Variants in KRCC1 observed in about 807,000 individuals in gnomAD.
KRCC1 encodes lysine rich coiled-coil 1.
KRCC1 carries 3 observed loss-of-function variants against 7.4 expected under a neutral mutation model. The observed-to-expected ratio is 0.40, with a 90% CI of 0.18 to 1.04. KRCC1 has a LOEUF of 1.04. Among genes scored for constraint, KRCC1 ranks in the 50% least tolerant of loss-of-function variants. KRCC1 has a pLI of 0.33. For missense variants in KRCC1, 277 were observed against 300.9 expected, an observed-to-expected ratio of 0.92 and a Z score of 0.59; for synonymous variants, 102 against 101.6, an observed-to-expected ratio of 1.00 and a Z score of -0.02.
In KRCC1 at chr2:88,052,994, G is replaced by A. The variant is rs531417042; in HGVS notation, c.-291+2632C>T. ...GTGATTTTGAGGATTTTAGACTTTAGGGATTTTCATCTTTCAGGATTTCAA... is the reference window on the plus strand; with the variant it reads ...GTGATTTTGAGGATTTTAGACTTTAAGGATTTTCATCTTTCAGGATTTCAA... On this transcript the variant is annotated intron_variant, in intron 1 of 3. Transcript: ENST00000347055. Among the ~76,000 whole-genome samples the A allele has an allele frequency of 4.6e-5, 7 of 152,166 alleles. No homozygotes were observed. The East Asian group carries it at 1.2e-3, about 25-fold the overall frequency.
Position 88,027,967 on chromosome 2 carries a change from T to A in KRCC1, c.597A>T (p.Lys199Asn). The change falls in exon 4 of 4, where the codon AAA becomes AAT. Residue 199 changes from lysine to asparagine, a missense_variant. Transcript: ENST00000347055. ...LDKHKSIQRK[K>N]TEVEIETVHV... ...GTACGGTTTCTATTTCCACCTCTGT[T>A]TTCTTTCTTTGGATGCTCTTGTGTT... is the stretch of plus-strand genomic sequence containing the variant. The A allele has an allele frequency of 1.2e-6, 2 of 1,613,742 alleles. No individual in the cohort carries two copies. The highest frequency in any genetic ancestry group is 1.7e-6 in the Non-Finnish European group (2 of 1,179,958).
rs770182214 is a variant in KRCC1, at chr2:88,028,421, C to G, written c.143G>C (p.Gly48Ala). ...GDYLETCGYK[G>A]EVNSRPTYRM... ...ATACGTGGGTCTGGAATTAACCTCTCCTTTGTACCCACAGGTTTCCAAATA... is the reference window on the plus strand; with the variant it reads ...ATACGTGGGTCTGGAATTAACCTCTGCTTTGTACCCACAGGTTTCCAAATA... Residue 48 changes from glycine (G) to alanine (A), a missense_variant, in exon 4 of 4, where the codon GGA becomes GCA. Gly to Ala is a moderately conservative substitution (Grantham distance 60, BLOSUM62 0). Transcript: ENST00000347055. 3 of 1,614,140 alleles carry G rather than the reference C, an allele frequency of 1.9e-6. No individual in the cohort carries two copies. Among genetic ancestry groups the G allele is most frequent in the Non-Finnish European group, 2.5e-6 (3 of 1,180,028 alleles).
chr2:88,037,576 T>C (rs1673117231), intron 1 of KRCC1, among the ~76,000 whole-genome samples: 1 of 152,238 alleles, frequency 6.6e-6, no homozygotes, highest in African/African-American at 2.4e-5. Context: ...ACCTGGCTAA[T>C]TTTTGTATTT....
chr2:88,028,618 A>G, intron 3 of KRCC1, 33 bp from the exon 4 acceptor site: 1 of 1,166,672 alleles, frequency 8.6e-7, no homozygotes, highest in South Asian at 1.4e-5. Flanking sequence ...TTACCAGATC[A>G]TCTTGTCCTG....
At chr2:88,040,129 T>C (rs7594749) in intron 1 of KRCC1, among the ~76,000 whole-genome samples, 105,593 of 151,964 alleles carry the variant, frequency 0.69, 36,793 homozygotes, top group South Asian at 0.81. Flanking sequence ...GAACAATAAT[T>C]TCCTTCCTGG....
chr2:88,028,921 G>A (rs2104601501), intron 3 of KRCC1, among the ~76,000 whole-genome samples: 1 of 152,218 alleles, frequency 6.6e-6, no homozygotes, highest in African/African-American at 2.4e-5. Flanking sequence ...AAAGTGCCAG[G>A]ATTACAGGCA....
At chr2:88,043,698 T>G (rs1673265877) in intron 1 of KRCC1, among the ~76,000 whole-genome samples, 1 of 152,224 alleles carries the variant, frequency 6.6e-6, no homozygotes, top group Non-Finnish European at 1.5e-5. Context: ...AGATGAAGTT[T>G]TGCTCTTGCT....
chr2:88,033,632 T>C (rs1174810045), intron 3 of KRCC1, among the ~76,000 whole-genome samples: 1 of 152,252 alleles, frequency 6.6e-6, no homozygotes, highest in African/African-American at 2.4e-5. Context: ...TTAAGTATGT[T>C]TGAAATTTTT....
chr2:88,047,490 C>T (rs186213068), intron 1 of KRCC1, among the ~76,000 whole-genome samples: 46 of 152,290 alleles, frequency 3.0e-4, no homozygotes, highest in African/African-American at 8.7e-4. Context: ...TGCCTCACAG[C>T]GTGACCTGTT....
intron 1 of KRCC1, among the ~76,000 whole-genome samples, chr2:88,048,086 AT>A (rs56138611): frequency 1.2e-3 from 176 of 146,956 alleles, no homozygotes; most frequent in African/African-American, 4.2e-3. Context: ...TTTTCAGTGT[AT>A]TTTTTTTTTT....
chr2:88,028,246 G>A lies in KRCC1; in HGVS notation c.318C>T (p.Phe106=), dbSNP rs901384162. The A allele has an allele frequency of 5.0e-6, 8 of 1,614,058 alleles. No individual in the cohort carries two copies. In the Admixed American group the frequency reaches 5.0e-5, roughly 10 times the overall value. The change falls in exon 4 of 4, where the codon TTC becomes TTT. Residue 106 remains phenylalanine (F), a synonymous_variant. Coordinates refer to ENST00000347055, the MANE Select transcript of KRCC1 (RefSeq NM_016618.3). ...GTTTTTCTGAGAAACAGTCCCTCGT[G>A]AACTGACAGTAGCTCAGAGAGTCTA... ...LRLDSLSYCQ[F]TRDCFSEKPV...
intron 3 of KRCC1, among the ~76,000 whole-genome samples, 174 bp downstream of exon 3, chr2:88,033,956 GGATA>G (rs1039251085): frequency 9.9e-5 from 15 of 152,210 alleles, no homozygotes; most frequent in African/African-American, 3.6e-4. Flanking sequence ...ACTGATAAAT[GGATA>G]AACAAAATAT....
chr2:88,031,760 A>C (rs1197855253), intron 3 of KRCC1, among the ~76,000 whole-genome samples: 1 of 152,174 alleles, frequency 6.6e-6, no homozygotes, highest in Non-Finnish European at 1.5e-5. Flanking sequence ...AAATAGTCAA[A>C]AAGTTAAAAA....
chr2:88,051,165 A>G (rs892897164), intron 1 of KRCC1, among the ~76,000 whole-genome samples: 1 of 151,862 alleles, frequency 6.6e-6, no homozygotes, highest in African/African-American at 2.4e-5. Flanking sequence ...GGCTCAAGCA[A>G]TCCTCTGGCC....
At chr2:88,036,802 G>A (rs1465099419) in intron 2 of KRCC1, 141 bp downstream of exon 2, 1 of 152,158 alleles carries the variant, frequency 6.6e-6, no homozygotes, top group Non-Finnish European at 1.5e-5. Context: ...ATGTAAGTCA[G>A]GAAGTTATTT....
chr2:88,030,064 T>C (rs971773040), intron 3 of KRCC1, among the ~76,000 whole-genome samples: 1 of 150,720 alleles, frequency 6.6e-6, no homozygotes, highest in African/African-American at 2.4e-5. Context: ...GCCAGGCTGG[T>C]CTCCAACTCC....
intron 3 of KRCC1, among the ~76,000 whole-genome samples, chr2:88,033,156 A>C (rs767620230): frequency 2.0e-5 from 3 of 152,170 alleles, no homozygotes; most frequent in Non-Finnish European, 4.4e-5. Flanking sequence ...ATCTGCCAAA[A>C]CTTACCAAAT....
At position 88,027,508 on chromosome 2, in the gene KRCC1, T is replaced by G. The variant is rs574504835; in HGVS notation, c.*276A>C. ...TAAATAACCTCCCAACAGAAAATAT[T>G]TCCACCATCAAAGCAATTTGATGAA... is the stretch of plus-strand genomic sequence containing the variant. On this transcript the variant is annotated 3_prime_UTR_variant, in exon 4 of 4. Coordinates refer to ENST00000347055, the MANE Select transcript of KRCC1 (RefSeq NM_016618.3). 1 of 323,802 alleles carries G rather than the reference T, an allele frequency of 3.1e-6. No individual in the cohort carries two copies. The highest frequency in any genetic ancestry group is 2.1e-5 in the African/African-American group (1 of 46,788). The allele number at this position is 323,802 out of a possible 1,614,324, so 20.1% of individuals were successfully genotyped here. A position where few individuals can be genotyped will look rare whatever the true frequency, so the allele number is the denominator to read the frequency against.
intron 1 of KRCC1, among the ~76,000 whole-genome samples, chr2:88,041,484 T>C (rs1189770776): frequency 6.6e-6 from 1 of 152,232 alleles, no homozygotes; most frequent in Non-Finnish European, 1.5e-5. Flanking sequence ...TCCATTCTTC[T>C]ATGTGTTTAA....
Sources: gnomAD v4.1 joint callset for allele counts (sites outside exome capture counted in the v4.1 genomes callset) on GRCh38, gnomAD v4.1.1 for gene constraint, MANE v1.5 for transcripts, NCBI Gene and HGNC (gene_info 2026-07-23, HGNC 2026-07-21) for gene names.